Variants in ICA1 observed in about 807,000 individuals in gnomAD.
ICA1 encodes the protein 69 kDa islet cell autoantigen.
A neutral mutation model predicts 71.0 loss-of-function variants in ICA1; 40 were observed. The ratio of observed to expected loss-of-function variants is 0.56; its 90% confidence interval spans 0.44 to 0.73. ICA1 has a LOEUF of 0.73. Ranked by LOEUF, ICA1 falls within the 30% of genes least tolerant of loss-of-function variation. The pLI, the probability that ICA1 is intolerant of heterozygous loss-of-function variation, is 0.00. For synonymous variants in ICA1, 207 were observed against 209.5 expected, an observed-to-expected ratio of 0.99 and a Z score of 0.10; for missense variants, 578 against 576.5, an observed-to-expected ratio of 1.00 and a Z score of -0.03.
intron 13 of ICA1, among the ~76,000 whole-genome samples, chr7:8,119,184 C>T (rs1193237191): frequency 6.6e-6 from 1 of 152,172 alleles, no homozygotes; most frequent in East Asian, 1.9e-4. Context: ...GCTCTTCGAT[C>T]CTATGGTCCT....
intron 2 of ICA1, among the ~76,000 whole-genome samples, chr7:8,235,301 T>A (rs1323962087): frequency 6.6e-6 from 1 of 152,182 alleles, no homozygotes; most frequent in Non-Finnish European, 1.5e-5. Flanking sequence ...TCAAAAGAAT[T>A]TGGAAACACT....
At chr7:8,122,716 G>A (rs1787488642) in intron 13 of ICA1, among the ~76,000 whole-genome samples, 1 of 152,232 alleles carries the variant, frequency 6.6e-6, no homozygotes, top group Non-Finnish European at 1.5e-5. Context: ...CCCGAAGCCT[G>A]ACATTATATT....
chr7:8,119,414 G>C (rs1158424155), intron 13 of ICA1, among the ~76,000 whole-genome samples: 2 of 152,216 alleles, frequency 1.3e-5, no homozygotes, highest in Non-Finnish European at 2.9e-5. Context: ...ATTTTTCAAA[G>C]TATGACATGA....
intron 6 of ICA1, among the ~76,000 whole-genome samples, chr7:8,178,321 C>T (rs980466692): frequency 5.3e-5 from 8 of 152,094 alleles, no homozygotes; most frequent in Admixed American, 1.3e-4. Context: ...CGTTATATAC[C>T]TCTATTACCT....
chr7:8,216,278 G>A (rs1055922259), intron 6 of ICA1, among the ~76,000 whole-genome samples: 10 of 152,112 alleles, frequency 6.6e-5, no homozygotes, highest in Non-Finnish European at 1.5e-4. Context: ...TCCCCAACAT[G>A]GTTTCTGTCC....
intron 6 of ICA1, among the ~76,000 whole-genome samples, chr7:8,192,059 C>T (rs1785843255): frequency 6.6e-6 from 1 of 152,040 alleles, no homozygotes; most frequent in African/African-American, 2.4e-5. Flanking sequence ...TTCCTTTATT[C>T]TTAAATAATT....
At chr7:8,172,315 A>G (rs1031384807) in intron 6 of ICA1, among the ~76,000 whole-genome samples, 2 of 152,212 alleles carry the variant, frequency 1.3e-5, no homozygotes, top group Non-Finnish European at 2.9e-5. Flanking sequence ...TGACCCTATT[A>G]TCTTCAATAA....
chr7:8,117,702 C>G (rs778436130), intron 13 of ICA1, among the ~76,000 whole-genome samples: 29 of 152,126 alleles, frequency 1.9e-4, no homozygotes, highest in Non-Finnish European at 3.7e-4. Context: ...ACTCTCGTCA[C>G]AGTGTTTTTT....
chr7:8,168,886 C>G (rs185884081), intron 6 of ICA1, among the ~76,000 whole-genome samples: 1 of 152,144 alleles, frequency 6.6e-6, no homozygotes, highest in African/African-American at 2.4e-5. Flanking sequence ...CTTTGTTGAG[C>G]TACAATTTAA....
chr7:8,204,251 G>A (rs1179511905), intron 6 of ICA1, among the ~76,000 whole-genome samples: 1 of 152,200 alleles, frequency 6.6e-6, no homozygotes, highest in Admixed American at 6.5e-5. Flanking sequence ...ACAAGGATCT[G>A]TTTATCGGAT....
chr7:8,245,980 T>C (rs906281407), intron 1 of ICA1, among the ~76,000 whole-genome samples: 2 of 152,208 alleles, frequency 1.3e-5, no homozygotes, highest in African/African-American at 4.8e-5. Context: ...CCCTGTAAAA[T>C]TGAATAAAGT....
intron 1 of ICA1, among the ~76,000 whole-genome samples, chr7:8,250,243 GA>G (rs1247591841): frequency 6.6e-6 from 1 of 152,176 alleles, no homozygotes; most frequent in African/African-American, 2.4e-5. Flanking sequence ...TTCTTATGGA[GA>G]GAAGTGTATT....
intron 13 of ICA1, among the ~76,000 whole-genome samples, chr7:8,120,418 T>G (rs1410152444): frequency 6.6e-6 from 1 of 152,226 alleles, no homozygotes; most frequent in Non-Finnish European, 1.5e-5. Context: ...AATTATGGAT[T>G]GAATGCCAAG....
chr7:8,259,307 A>G (rs1009676542), intron 1 of ICA1, among the ~76,000 whole-genome samples: 12 of 152,322 alleles, frequency 7.9e-5, no homozygotes, highest in Non-Finnish European at 1.5e-4. Context: ...CTACTGGTCC[A>G]TGGACCACGT....
At chr7:8,149,800 A>G (rs1798194010) in intron 8 of ICA1, among the ~76,000 whole-genome samples, 1 of 152,222 alleles carries the variant, frequency 6.6e-6, no homozygotes, top group African/African-American at 2.4e-5. Context: ...AAGTGTTCAA[A>G]ATAGTGGGGC....
intron 8 of ICA1, among the ~76,000 whole-genome samples, chr7:8,151,612 G>T (rs1254502919): frequency 1.3e-5 from 2 of 152,070 alleles, no homozygotes; most frequent in African/African-American, 4.8e-5. Context: ...AGCATTGCAG[G>T]GATATTTACC....
rs1787799604 is a variant in ICA1 at position 8,123,447 on chromosome 7, T to C, written c.1330+4426A>G. On this transcript the variant is annotated intron_variant, in intron 13 of 13. Transcript: ENST00000402384. The surrounding 1 kb of genome is among the most constrained non-coding windows in gnomAD (Gnocchi z 4.1). ...GGAGCTGGGGACGCGGCCCAGAGCT[T>C]GCACTTCAGTCCTGGTGCCTGTCCC... 6.6e-6 allele frequency among the ~76,000 whole-genome samples: 1 copy of C among 152,094 alleles called. No individual in the cohort carries two copies. Among genetic ancestry groups the C allele is most frequent in the Non-Finnish European group, 1.5e-5 (1 of 68,000 alleles).
rs538526291 is a variant in ICA1 at position 8,242,392 on chromosome 7, A to T, written c.-79-6387T>A. On this transcript the variant is annotated intron_variant, in intron 1 of 13. Transcript: ENST00000402384. ...AGAGAACAAAGACACAATGTACCAG[A>T]ATCTCTGGGACACATTTAAAGCAGT... is the stretch of plus-strand genomic sequence containing the variant. 9.8e-4 allele frequency among the ~76,000 whole-genome samples: 150 copies of T among 152,360 alleles called. 1 individual carries two copies. Among genetic ancestry groups the T allele is most frequent in the South Asian group, 3.3e-3 (16 of 4,830 alleles).
chr7:8,220,912 C>T (rs1338819516), intron 5 of ICA1, among the ~76,000 whole-genome samples: 1 of 152,018 alleles, frequency 6.6e-6, no homozygotes, highest in Non-Finnish European at 1.5e-5. Flanking sequence ...TCAACCTGGT[C>T]TCATTAGGCT....
Sources: gnomAD v4.1 joint callset for allele counts (sites outside exome capture counted in the v4.1 genomes callset) on GRCh38, gnomAD v4.1.1 for gene constraint, Gnocchi (gnomAD v3.1) non-coding constraint, MANE v1.5 for transcripts, NCBI Gene and HGNC (gene_info 2026-07-23, HGNC 2026-07-21) for gene names.